The following UTRN variants were observed in gnomAD, a reference collection of about 807,000 sequenced individuals.
The protein encoded by UTRN is utrophin.
A neutral mutation model predicts 463.9 loss-of-function variants in UTRN; 283 were observed. That is an observed-to-expected ratio of 0.61 (90% CI 0.55 to 0.67). The LOEUF (loss-of-function observed/expected upper bound fraction) is 0.67, where lower values mean the gene tolerates loss of function less well. Ranked by LOEUF, UTRN falls within the 30% of genes least tolerant of loss-of-function variation. The pLI is 0.00. For missense variants in UTRN, 3,922 were observed against 4,084.3 expected, an observed-to-expected ratio of 0.96 and a Z score of 1.08; for synonymous variants, 1,442 against 1,431.5, an observed-to-expected ratio of 1.01 and a Z score of -0.17.
intron 2 of UTRN, among the ~76,000 whole-genome samples, chr6:144,296,860 G>C (rs915117377): frequency 5.9e-5 from 9 of 152,174 alleles, no homozygotes. Flanking sequence ...GCCCTGACAA[G>C]GGAAGGCCAA....
chr6:144,330,506 T>G (rs889152765), intron 2 of UTRN, among the ~76,000 whole-genome samples: 2 of 152,204 alleles, frequency 1.3e-5, no homozygotes, highest in African/African-American at 4.8e-5. Flanking sequence ...CAAATTTTTC[T>G]AAAGCTAAAT....
At chr6:144,546,745 G>A (rs1477115807) in intron 46 of UTRN, among the ~76,000 whole-genome samples, 2 of 152,150 alleles carry the variant, frequency 1.3e-5, no homozygotes, top group Admixed American at 6.5e-5. Context: ...GGAGGTTGAG[G>A]CTGCAATGAG....
At chr6:144,591,002 C>A (rs1406617580) in intron 51 of UTRN, among the ~76,000 whole-genome samples, 1 of 152,110 alleles carries the variant, frequency 6.6e-6, no homozygotes. Context: ...GTTACCGTTA[C>A]CACTATTGGT....
At chr6:144,370,323 T>C (rs921743141) in intron 2 of UTRN, among the ~76,000 whole-genome samples, 1 of 152,264 alleles carries the variant, frequency 6.6e-6, no homozygotes, top group East Asian at 1.9e-4. Flanking sequence ...GTCCCAGCCA[T>C]GGCTACAAGG....
chr6:144,393,992 G>A (rs9484872), intron 2 of UTRN, among the ~76,000 whole-genome samples: 12,614 of 152,196 alleles, frequency 0.083, 1,301 homozygotes, highest in African/African-American at 0.24. Flanking sequence ...GTGCTTTAAT[G>A]TATGTGGATT....
chr6:144,436,025 A>G lies in UTRN; in HGVS notation c.946A>G (p.Ile316Val). 1 of 1,614,242 alleles carries G rather than the reference A, an allele frequency of 6.2e-7. No homozygotes were observed. The highest frequency in any genetic ancestry group is 1.1e-5 in the South Asian group (1 of 91,088). Residue 316 changes from isoleucine to valine, a missense_variant, in exon 10 of 75, where the codon ATT becomes GTT. Around this residue, in one of 3 missense-constraint regions of UTRN, gnomAD observed 2,349 missense variants for 2,303.8 expected, o/e 1.02. Transcript: ENST00000367545. ...EVDMDLDSYQ[I>V]ALEEVLTWLL... ...TGACATGGATCTGGACAGCTATCAG[A>G]TTGCGTTGGAGGAAGTGCTGACCTG... is the stretch of plus-strand genomic sequence containing the variant.
rs1281280919 is a variant in UTRN, at chr6:144,440,490, T to G, written c.1512+19T>G. 6.2e-7 allele frequency: 1 copy of G among 1,614,054 alleles called. No homozygotes were observed. Among genetic ancestry groups the G allele is most frequent in the African/African-American group, 1.3e-5 (1 of 75,064 alleles). On this transcript the variant is annotated intron_variant, in intron 13 of 74. Transcript: ENST00000367545. Reference sequence around the variant, plus strand: ...GTTACAGGTAAGAGTGCTGTAAAGTTGGATAATCCTGAGGGACCTGTGGTC... The same window carrying G: ...GTTACAGGTAAGAGTGCTGTAAAGTGGGATAATCCTGAGGGACCTGTGGTC...
At chr6:144,643,599 C>T (rs1032200616) in intron 51 of UTRN, among the ~76,000 whole-genome samples, 2 of 151,996 alleles carry the variant, frequency 1.3e-5, no homozygotes, top group Non-Finnish European at 2.9e-5. Flanking sequence ...GAGTTCAAGA[C>T]CAGCCCGGCC....
chr6:144,410,358 T>C (rs1026420703), intron 3 of UTRN, among the ~76,000 whole-genome samples: 5 of 152,186 alleles, frequency 3.3e-5, no homozygotes, highest in African/African-American at 9.6e-5. Flanking sequence ...GTTTCCTGAG[T>C]TTGCCTACAG....
At chr6:144,623,478 T>C (rs1456583590) in intron 51 of UTRN, among the ~76,000 whole-genome samples, 1 of 152,212 alleles carries the variant, frequency 6.6e-6, no homozygotes, top group East Asian at 1.9e-4. Flanking sequence ...TTAACTACGC[T>C]GTTTCATTCA....
In UTRN at chr6:144,781,977, C is replaced by A; in HGVS notation, c.8688C>A (p.Asn2896Lys). 1 of 1,613,968 alleles carries A rather than the reference C, an allele frequency of 6.2e-7. No individual in the cohort carries two copies. The highest frequency in any genetic ancestry group is 8.5e-7 in the Non-Finnish European group (1 of 1,179,958). ...TNEIFKQHKL[N>K]QNDQLLSVPD... ...AAATTTTCAAACAGCACAAGTTGAA[C>A]CAAAATGACCAGCTCCTCAGTGTTC... is the stretch of plus-strand genomic sequence containing the variant. Residue 2896 changes from asparagine to lysine, a missense_variant, in exon 61 of 75, where the codon AAC (asparagine) becomes AAA (lysine). This residue lies in a region of UTRN where 1,309 missense variants were observed against 1,452.6 expected (regional missense o/e 0.90). Coordinates refer to ENST00000367545, the MANE Select transcript of UTRN (RefSeq NM_007124.3).
chr6:144,691,457 C>T (rs1306135007), intron 52 of UTRN, among the ~76,000 whole-genome samples: 1 of 151,950 alleles, frequency 6.6e-6, no homozygotes, highest in Admixed American at 6.6e-5. Context: ...AAAGTATTTT[C>T]AACTGTCAAA....
At chr6:144,619,609 T>A (rs1481575619) in intron 51 of UTRN, among the ~76,000 whole-genome samples, 3 of 152,362 alleles carry the variant, frequency 2.0e-5, no homozygotes, top group Non-Finnish European at 4.4e-5. Flanking sequence ...TCTGGAGATG[T>A]ACATTAATCT....
At position 144,487,689 on chromosome 6, in the gene UTRN, AGTCACC is replaced by A. The variant is rs1217070135; in HGVS notation, c.3965_3970del (p.Ser1322_Leu1324delinsMet). ...TTTCAACAGCCGATATGAAGATCTA[AGTCACC>A]TGGTAAGAGTTGGGACATACATGGG... On this transcript the variant is annotated inframe_deletion and splice_region_variant, in exon 29 of 75. Transcript: ENST00000367545. 6.2e-7 allele frequency: 1 copy of A among 1,612,116 alleles called. No individual in the cohort carries two copies. The highest frequency in any genetic ancestry group is 1.1e-5 in the South Asian group (1 of 90,736).
chr6:144,602,506 A>G (rs1804365469), intron 51 of UTRN, among the ~76,000 whole-genome samples: 1 of 152,184 alleles, frequency 6.6e-6, no homozygotes, highest in South Asian at 2.1e-4. Context: ...TACTTCTAAA[A>G]CATTGAATTG....
At chr6:144,695,346 CTTTTT>C (rs202017323) in intron 52 of UTRN, among the ~76,000 whole-genome samples, 1 of 142,800 alleles carries the variant, frequency 7.0e-6, no homozygotes, top group African/African-American at 2.6e-5. Context: ...CATGATTAAA[CTTTTT>C]TTTTTTTTTT....
At chr6:144,492,954 A>G (rs1339553856) in intron 32 of UTRN, among the ~76,000 whole-genome samples, 2 of 152,254 alleles carry the variant, frequency 1.3e-5, no homozygotes, top group Non-Finnish European at 2.9e-5. Flanking sequence ...TTTTTTAAAA[A>G]TGTAATTTTA....
intron 53 of UTRN, among the ~76,000 whole-genome samples, chr6:144,705,525 C>T (rs912423353): frequency 1.6e-4 from 25 of 152,256 alleles, no homozygotes; most frequent in African/African-American, 5.1e-4. Context: ...CTCACTGTGT[C>T]CTCCCATAGT....
intron 23 of UTRN, among the ~76,000 whole-genome samples, chr6:144,472,770 A>ATT (rs61374314): frequency 3.6e-5 from 5 of 139,580 alleles, no homozygotes; most frequent in Admixed American, 1.4e-4. Flanking sequence ...ACTTACTTGC[A>ATT]TTTTTTTTTT....
Sources: gnomAD v4.1 joint callset for allele counts (sites outside exome capture counted in the v4.1 genomes callset) on GRCh38, gnomAD v4.1.1 for gene constraint, gnomAD v4.1.1 regional missense constraint, MANE v1.5 for transcripts, NCBI Gene and HGNC (gene_info 2026-07-23, HGNC 2026-07-21) for gene names.